SHISAL1: variants seen among roughly 807,000 people sequenced by gnomAD.
SHISAL1 encodes the protein protein shisa-like-1.
A neutral mutation model predicts 22.6 loss-of-function variants in SHISAL1; 9 were observed. That is an observed-to-expected ratio of 0.40 (90% CI 0.24 to 0.70). The LOEUF is 0.70. Ranked by LOEUF, SHISAL1 falls within the 30% of genes least tolerant of loss-of-function variation. The pLI, the probability that SHISAL1 is intolerant of heterozygous loss-of-function variation, is 0.39. For synonymous variants in SHISAL1, 119 were observed against 115.4 expected, an observed-to-expected ratio of 1.03 and a Z score of -0.20; for missense variants, 246 against 270.6, an observed-to-expected ratio of 0.91 and a Z score of 0.64.
In SHISAL1 at chr22:44,285,825, G is replaced by A. The variant is rs990750129; in HGVS notation, c.282-80C>T. 7 of 1,208,286 alleles carry A rather than the reference G, an allele frequency of 5.8e-6. No homozygotes were observed. The Admixed American group carries it at 1.3e-4, about 22-fold the overall frequency. 74.8% of individuals were successfully genotyped at this position (1,208,286 alleles called of 1,614,324 possible). On this transcript the variant is annotated intron_variant, in intron 3 of 4. Transcript: ENST00000381176. ...CCGGCTTCATCAGTGGGGCTGATTAGAGAATGTGTCCTGGGGCTATGTTGG... is the reference window on the plus strand; with the variant it reads ...CCGGCTTCATCAGTGGGGCTGATTAAAGAATGTGTCCTGGGGCTATGTTGG...
chr22:44,319,316 C>T, the SHISAL1 span, among the ~76,000 whole-genome samples: 1 of 152,194 alleles, frequency 6.6e-6, no homozygotes, highest in Non-Finnish European at 1.5e-5. Flanking sequence ...TGTTGCCTGC[C>T]GAAGATCACA....
At chr22:44,259,304 G>A (rs996603994) in intron 4 of SHISAL1, among the ~76,000 whole-genome samples, 3 of 152,040 alleles carry the variant, frequency 2.0e-5, no homozygotes, top group African/African-American at 4.8e-5. Context: ...TGGGTGCAGT[G>A]GCACACACCT....
chr22:44,327,583 G>A, the SHISAL1 span, among the ~76,000 whole-genome samples: 7 of 152,256 alleles, frequency 4.6e-5, no homozygotes, highest in East Asian at 9.7e-4. Flanking sequence ...GAAGCTGCCC[G>A]GGGGTGGGTC....
chr22:44,257,831 T>C lies in SHISAL1; in HGVS notation c.*-8146A>G, dbSNP rs536783901. 3.3e-5 allele frequency among the ~76,000 whole-genome samples: 5 copies of C among 152,324 alleles called. No homozygotes were observed. The South Asian group carries it at 1.0e-3, about 32-fold the overall frequency. ...ACCTTCCTAGGGAACTGCATTAGCG[T>C]GAGCTGCTTCTTTTTAAAAAACTTT... On this transcript the variant is annotated intron_variant, in intron 4 of 4. Transcript: ENST00000381176.
the SHISAL1 span, among the ~76,000 whole-genome samples, chr22:44,320,418 G>T: frequency 8.5e-5 from 13 of 152,226 alleles, no homozygotes; most frequent in African/African-American, 2.4e-4. Flanking sequence ...GGATCAGGGG[G>T]CAGGGAGGAG....
rs57543484 is a variant in SHISAL1, at chr22:44,249,702, GA to G, written c.*-18del. 1.8e-3 allele frequency: 1,374 copies of G among 778,638 alleles called. 15 individuals carry two copies. In the African/African-American group the frequency reaches 0.019, roughly 11 times the overall value. The allele number at this position is 778,638 out of a possible 1,614,324, so 48.2% of individuals were successfully genotyped here. A position where few individuals can be genotyped will look rare whatever the true frequency, so the allele number is the denominator to read the frequency against. On this transcript the variant is annotated intron_variant, in intron 4 of 4. Coordinates refer to ENST00000381176, the MANE Select transcript of SHISAL1 (RefSeq NM_001099294.2). ...AAGCGTTTTCTGGAGGAAATACAAG[GA>G]AAAAAAGTATCACATGGTGTCTCCT...
At chr22:44,305,036 T>TG (rs1298316110) in intron 1 of SHISAL1, among the ~76,000 whole-genome samples, 2 of 152,112 alleles carry the variant, frequency 1.3e-5, no homozygotes, top group Non-Finnish European at 2.9e-5. Flanking sequence ...TGTTCACCCC[T>TG]GGGGGGTACT....
At chr22:44,271,164 C>A (rs1454758842) in intron 4 of SHISAL1, among the ~76,000 whole-genome samples, 2 of 152,162 alleles carry the variant, frequency 1.3e-5, no homozygotes, top group African/African-American at 2.4e-5. Context: ...TGCCTATATC[C>A]ACATGACAGC....
intron 4 of SHISAL1, among the ~76,000 whole-genome samples, chr22:44,251,717 A>C (rs1432206134): frequency 6.6e-6 from 1 of 152,170 alleles, no homozygotes; most frequent in African/African-American, 2.4e-5. Context: ...ATTCGGTGAG[A>C]TTCATTCACC....
the SHISAL1 span, among the ~76,000 whole-genome samples, chr22:44,331,338 C>G: frequency 6.6e-6 from 1 of 151,600 alleles, no homozygotes; most frequent in Non-Finnish European, 1.5e-5. This position sits in a 1 kb window ranked among gnomAD's most constrained non-coding sequence, Gnocchi z 5.2. Flanking sequence ...ACCCCTTCTC[C>G]GGAGCCCCGC....
At chr22:44,305,874 C>T (rs565624303) in intron 1 of SHISAL1, among the ~76,000 whole-genome samples, 59 of 152,280 alleles carry the variant, frequency 3.9e-4, no homozygotes, top group African/African-American at 1.2e-3. Flanking sequence ...ATGAAGGGGT[C>T]TGGGGGATTC....
rs1491154287 is a variant in SHISAL1 at position 44,253,425 on chromosome 22, A to ATTTTTTTT, written c.*-3741_*-3740insAAAAAAAA. 3.7e-5 allele frequency among the ~76,000 whole-genome samples: 4 copies of ATTTTTTTT among 107,884 alleles called. 2 individuals are homozygous for ATTTTTTTT. The highest frequency in any genetic ancestry group is 4.0e-5 in the Non-Finnish European group (2 of 50,378). 70.8% of individuals were successfully genotyped at this position (107,884 alleles called of 152,430 possible). A position where few individuals can be genotyped will look rare whatever the true frequency, so the allele number is the denominator to read the frequency against. ...AAGCAGAGTATGCTAGTATTAGTGC[A>ATTTTTTTT]TGTTTTTTTTTTTTTTTTTTTTTGA... On this transcript the variant is annotated intron_variant, in intron 4 of 4. Coordinates refer to ENST00000381176, the MANE Select transcript of SHISAL1 (RefSeq NM_001099294.2).
chr22:44,313,378 C>T (rs1325994637), upstream of SHISAL1, among the ~76,000 whole-genome samples: 2 of 152,216 alleles, frequency 1.3e-5, no homozygotes, highest in East Asian at 3.8e-4. Flanking sequence ...ACGGTCCCCA[C>T]ACCAGCCCGG....
At chr22:44,300,745 G>T in intron 2 of SHISAL1, 134 bp downstream of exon 2, 2 of 696,348 alleles carry the variant, frequency 2.9e-6, no homozygotes, top group Non-Finnish European at 5.0e-6. Context: ...CTCACCAGAG[G>T]GGTGCCAGTA....
chr22:44,268,245 G>A (rs1326481117), intron 4 of SHISAL1, among the ~76,000 whole-genome samples: 1 of 152,216 alleles, frequency 6.6e-6, no homozygotes, highest in East Asian at 1.9e-4. Flanking sequence ...GCTCTGAGAT[G>A]CTGTCCTTTT....
chr22:44,259,293 C>G (rs1475729616), intron 4 of SHISAL1, among the ~76,000 whole-genome samples: 2 of 152,020 alleles, frequency 1.3e-5, no homozygotes, highest in African/African-American at 2.4e-5. Context: ...AAAAAATTAG[C>G]TGGGTGCAGT....
chr22:44,292,801 C>T (rs1468991780), intron 3 of SHISAL1, among the ~76,000 whole-genome samples: 1 of 152,234 alleles, frequency 6.6e-6, no homozygotes, highest in Non-Finnish European at 1.5e-5. Context: ...TGAAACTGGG[C>T]AGCTGGGAAG....
rs541784636 is a variant in SHISAL1 at position 44,254,810 on chromosome 22, C to G, written c.*-5125G>C. Among the ~76,000 whole-genome samples, 228 of 151,958 alleles carry G rather than the reference C, an allele frequency of 1.5e-3. 1 individual carries two copies. Among genetic ancestry groups the G allele is most frequent in the African/African-American group, 5.4e-3 (222 of 41,360 alleles). ...TATAATATGTAGAAGGTGGAGGTGA[C>G]AGCTTGGAATGATTCTCTGCACTTT... On this transcript the variant is annotated intron_variant, in intron 4 of 4. Transcript: ENST00000381176.
upstream of SHISAL1, among the ~76,000 whole-genome samples, chr22:44,316,837 C>T (rs117783289): frequency 5.6e-3 from 855 of 152,312 alleles, 5 homozygotes; most frequent in Non-Finnish European, 8.6e-3. Context: ...GGCCCTGCCA[C>T]TTCCTTCTGA....
Sources: allele counts gnomAD v4.1 joint callset (sites outside exome capture counted in the v4.1 genomes callset), GRCh38; gene constraint gnomAD v4.1.1; non-coding constraint Gnocchi (gnomAD v3.1); transcripts MANE v1.5; gene names NCBI Gene and HGNC (gene_info 2026-07-23, HGNC 2026-07-21).